Variants in FCHO1 observed in about 807,000 individuals in gnomAD.
The protein encoded by FCHO1 is FCH and mu domain containing endocytic adaptor 1.
Under a neutral mutation model 114.4 loss-of-function variants are expected in FCHO1, and 45 were observed. The ratio of observed to expected loss-of-function variants is 0.39; its 90% CI spans 0.31 to 0.50. The LOEUF is 0.50. Among genes scored for constraint, FCHO1 ranks in the 20% least tolerant of loss-of-function variants. The probability of loss-of-function intolerance (pLI) is 0.77; values close to 1 mark genes in which losing one functional copy is unlikely to be tolerated. For missense variants in FCHO1, 1,042 were observed against 1,209.6 expected, an observed-to-expected ratio of 0.86 and a Z score of 2.06; for synonymous variants, 480 against 488.9, an observed-to-expected ratio of 0.98 and a Z score of 0.24.
rs762814728 is a variant in FCHO1 at position 17,770,787 on chromosome 19, T to C, written c.490-5T>C. 6.2e-7 allele frequency: 1 copy of C among 1,613,894 alleles called. No homozygotes were observed. The highest frequency in any genetic ancestry group is 1.7e-5 in the Admixed American group (1 of 60,002). Reference sequence around the variant, plus strand: ...CCATCCCCGTTTCCTCCCTGTGCTTTGTAGGCGGAGACTAAAACCAAGAAG... The same window carrying C: ...CCATCCCCGTTTCCTCCCTGTGCTTCGTAGGCGGAGACTAAAACCAAGAAG... On this transcript the variant is annotated splice_polypyrimidine_tract_variant and splice_region_variant and intron_variant, in intron 8 of 28. Transcript: ENST00000596536.
chr19:17,770,884 G>A lies in FCHO1; in HGVS notation c.582G>A (p.Leu194=), dbSNP rs767453781. 6.2e-6 allele frequency: 10 copies of A among 1,613,816 alleles called. No homozygotes were observed. In the East Asian group the frequency reaches 2.2e-4, roughly 36 times the overall value. ...GAGCTGACTTTGAGCAGAAGATGCT[G>A]GACTCAGCCCTGGTAAGAACCAGGC... The part of the protein sequence containing the change: ...SARADFEQKM[L]DSALRFQAME... Residue 194 remains leucine, a synonymous_variant, in exon 9 of 29, where the codon CTG becomes CTA. Coordinates refer to ENST00000596536, the MANE Select transcript of FCHO1 (RefSeq NM_015122.3).
At chr19:17,778,509 C>T (rs2092943673) in intron 19 of FCHO1, 100 bp from the exon 20 acceptor site, 2 of 1,382,072 alleles carry the variant, frequency 1.4e-6, no homozygotes, top group Non-Finnish European at 1.9e-6. Context: ...GAATGGGGGC[C>T]CCCCTGACCT....
chr19:17,788,071 C>T (rs1255112592), intron 28 of FCHO1, among the ~76,000 whole-genome samples: 1 of 151,980 alleles, frequency 6.6e-6, no homozygotes, highest in African/African-American at 2.4e-5. Context: ...AGCCAGGGAG[C>T]CCGAAGTCCC....
chr19:17,786,663 A>AG, intron 27 of FCHO1, 34 bp downstream of exon 27: 2 of 261,962 alleles, frequency 7.6e-6, no homozygotes, highest in South Asian at 2.7e-5. Context: ...GCTGGGTGGG[A>AG]GGGACTGGGG....
At position 17,764,534 on chromosome 19, in the gene FCHO1, TAG is replaced by T. The variant is rs2087912447; in HGVS notation, c.194+88_194+89del. 3.6e-6 allele frequency: 4 copies of T among 1,111,182 alleles called. No individual in the cohort carries two copies. In the Admixed American group the frequency reaches 7.4e-5, roughly 20 times the overall value. 68.8% of individuals were successfully genotyped at this position (1,111,182 alleles called of 1,614,324 possible). ...CTCTTCACACTCGGTGCATGTAGAA[TAG>T]AGTGTCATCCACCTCGATTATGGGG... On this transcript the variant is annotated intron_variant, in intron 6 of 28. Transcript: ENST00000596536.
intron 7 of FCHO1, among the ~76,000 whole-genome samples, chr19:17,767,273 C>A (rs1458518674): frequency 2.0e-5 from 3 of 151,258 alleles, no homozygotes; most frequent in Admixed American, 2.0e-4. Context: ...TTGGGCCTGG[C>A]GTAGTGACTC....
chr19:17,776,354 T>G lies in FCHO1; in HGVS notation c.1207+83T>G. 1 of 1,568,206 alleles carries G rather than the reference T, an allele frequency of 6.4e-7. No individual in the cohort carries two copies. Among genetic ancestry groups the G allele is most frequent in the Non-Finnish European group, 8.8e-7 (1 of 1,138,376 alleles). On this transcript the variant is annotated intron_variant, in intron 17 of 28. Transcript: ENST00000596536. The surrounding 1 kb of genome is among the most constrained non-coding windows in gnomAD (Gnocchi z 4.4). The stretch of plus-strand genomic sequence containing the variant: ...TTGGGCTTGAATCATAACTCCGTTT[T>G]GTAACTTTGGGCAGGCTGCTTAACC...
At chr19:17,753,271 C>T (rs754091849) in intron 1 of FCHO1, among the ~76,000 whole-genome samples, 2 of 152,212 alleles carry the variant, frequency 1.3e-5, no homozygotes, top group Non-Finnish European at 2.9e-5. Context: ...TGCCACCAAA[C>T]TAGGTTTCCT....
chr19:17,776,705 G>A lies in FCHO1; in HGVS notation c.1259+19G>A. The stretch of plus-strand genomic sequence containing the variant: ...CCAGCAGGTGGGTTCCACACGAGTG[G>A]GCAGGTGGGGGCTGTCCCCACCTCC... On this transcript the variant is annotated intron_variant, in intron 18 of 28. Coordinates refer to ENST00000596536, the MANE Select transcript of FCHO1 (RefSeq NM_015122.3). This position sits in a 1 kb window ranked among gnomAD's most constrained non-coding sequence, Gnocchi z 4.4. 1 of 1,612,504 alleles carries A rather than the reference G, an allele frequency of 6.2e-7. No homozygotes were observed. The highest frequency in any genetic ancestry group is 1.3e-5 in the African/African-American group (1 of 74,876).
At chr19:17,773,203 G>A (rs1188556127) in intron 11 of FCHO1, among the ~76,000 whole-genome samples, 4 of 152,238 alleles carry the variant, frequency 2.6e-5, no homozygotes, top group Admixed American at 6.5e-5. Flanking sequence ...AGAGTGAGAC[G>A]TGGGTTTGAG....
At chr19:17,757,161 G>T (rs1295681320) in intron 4 of FCHO1, among the ~76,000 whole-genome samples, 1 of 150,060 alleles carries the variant, frequency 6.7e-6, no homozygotes, top group Non-Finnish European at 1.5e-5. Flanking sequence ...TCCAGCCTGG[G>T]TGATGGAGTG....
intron 24 of FCHO1, among the ~76,000 whole-genome samples, chr19:17,783,510 C>G (rs1019860010): frequency 1.3e-5 from 2 of 151,892 alleles, no homozygotes; most frequent in Admixed American, 1.3e-4. Context: ...TCAGGCAATC[C>G]GCCCGCCTTG....
At chr19:17,787,943 G>A in intron 28 of FCHO1, 97 bp downstream of exon 28, 1 of 1,420,870 alleles carries the variant, frequency 7.0e-7, no homozygotes, top group Non-Finnish European at 9.5e-7. Context: ...GGGGATCCTT[G>A]GGAAAGATAG....
chr19:17,778,339 C>A, intron 19 of FCHO1, 111 bp downstream of exon 19: 1 of 909,212 alleles, frequency 1.1e-6, no homozygotes. Context: ...GGAGGGAGGA[C>A]TAGTCCGTGT....
intron 5 of FCHO1, 32 bp from the exon 6 acceptor site, chr19:17,764,343 T>C: frequency 6.2e-7 from 1 of 1,610,074 alleles, no homozygotes; most frequent in Non-Finnish European, 8.5e-7. Flanking sequence ...GCCCGGGCAG[T>C]TTCTCCATCT....
chr19:17,777,262 C>T (rs898178399), intron 18 of FCHO1, among the ~76,000 whole-genome samples: 2 of 151,842 alleles, frequency 1.3e-5, no homozygotes, highest in Non-Finnish European at 2.9e-5. Flanking sequence ...TAGGGCCAGG[C>T]GTGGCGGCTC....
At position 17,781,727 on chromosome 19, in the gene FCHO1, C is replaced by T. The variant is rs746345884; in HGVS notation, c.1844C>T (p.Pro615Leu). The T allele has an allele frequency of 2.7e-5, 44 of 1,606,814 alleles. No homozygotes were observed. Among genetic ancestry groups the T allele is most frequent in the Middle Eastern group, 1.7e-4 (1 of 6,010 alleles). Residue 615 changes from proline to leucine, a missense_variant, in exon 23 of 29, where the codon CCG (proline) becomes CTG (leucine). Around this residue, in one of 3 missense-constraint regions of FCHO1, gnomAD observed 455 missense variants for 455.4 expected, o/e 1.00. Coordinates refer to ENST00000596536, the MANE Select transcript of FCHO1 (RefSeq NM_015122.3). ...SQTGHGVSRG[P>L]SPVVLGSQDA... ...CCACCCCCAGGAGTCTCCCGGGGTCCGAGCCCTGTGGTCCTGGGCTCCCAG... is the reference window on the plus strand; with the variant it reads ...CCACCCCCAGGAGTCTCCCGGGGTCTGAGCCCTGTGGTCCTGGGCTCCCAG...
Position 17,778,639 on chromosome 19 carries a change from C to A in FCHO1, c.1382C>A (p.Pro461His). The A allele has an allele frequency of 6.3e-7, 1 of 1,577,448 alleles. No homozygotes were observed. Among genetic ancestry groups the A allele is most frequent in the Non-Finnish European group, 8.6e-7 (1 of 1,164,920 alleles). ...GSSSLGFTSS[P>H]SPFSSSSPEN... ...AGCAGCCTGGGCTTCACCTCCAGCC[C>A]CTCCCCTTTCTCCTCCTCGTCGCCC... The change falls in exon 20 of 29, where the codon CCC becomes CAC. Residue 461 changes from proline (P) to histidine (H), a missense_variant. Pro to His is a moderately conservative substitution (Grantham distance 77, BLOSUM62 -2). Coordinates refer to ENST00000596536, the MANE Select transcript of FCHO1 (RefSeq NM_015122.3).
At chr19:17,759,347 C>T (rs541828547) in intron 4 of FCHO1, among the ~76,000 whole-genome samples, 31 of 151,138 alleles carry the variant, frequency 2.1e-4, no homozygotes, top group Admixed American at 1.5e-3. Flanking sequence ...CTCAGCCTCC[C>T]GAGTACTTGG....
Sources: allele counts gnomAD v4.1 joint callset (sites outside exome capture counted in the v4.1 genomes callset), GRCh38; gene constraint gnomAD v4.1.1; regional missense constraint gnomAD v4.1.1; non-coding constraint Gnocchi (gnomAD v3.1); transcripts MANE v1.5; gene names NCBI Gene and HGNC (gene_info 2026-07-23, HGNC 2026-07-21).